MAN1A1: variants seen among roughly 807,000 people sequenced by gnomAD.
The protein encoded by MAN1A1 is mannosidase alpha class 1A member 1, also known as mannosyl-oligosaccharide 1,2-alpha-mannosidase IA.
MAN1A1 carries 29 observed loss-of-function variants against 70.8 expected under a neutral mutation model. The ratio of observed to expected loss-of-function variants is 0.41; its 90% CI spans 0.31 to 0.56. The LOEUF is 0.56. Ranked by LOEUF, MAN1A1 falls within the 20% of genes least tolerant of loss-of-function variation. The pLI, the probability that MAN1A1 is intolerant of heterozygous loss-of-function variation, is 0.29. For missense variants in MAN1A1, 747 were observed against 841.3 expected (o/e 0.89, Z 1.39); for synonymous variants, 349 against 330.1 (o/e 1.06, Z -0.62).
chr6:119,185,576 G>GT (rs146317643), intron 11 of MAN1A1, among the ~76,000 whole-genome samples: 29,145 of 151,810 alleles, frequency 0.19, 2,963 homozygotes, highest in East Asian at 0.3. Flanking sequence ...ATATAAGCCA[G>GT]TTTTTCTTTA....
chr6:119,190,510 C>T (rs933067196), intron 9 of MAN1A1, among the ~76,000 whole-genome samples: 47 of 152,292 alleles, frequency 3.1e-4, no homozygotes, highest in Admixed American at 2.6e-3. Flanking sequence ...TCTCCTGATA[C>T]GACTCTGCCA....
intron 4 of MAN1A1, among the ~76,000 whole-genome samples, chr6:119,297,092 C>G (rs969194684): frequency 6.6e-6 from 1 of 152,092 alleles, no homozygotes; most frequent in African/African-American, 2.4e-5. Flanking sequence ...GTTTTAAGTG[C>G]CAGTAAAAGA....
At chr6:119,224,894 C>T (rs769502583) in intron 6 of MAN1A1, among the ~76,000 whole-genome samples, 2 of 151,792 alleles carry the variant, frequency 1.3e-5, no homozygotes, top group African/African-American at 2.4e-5. Context: ...TCTGGGAGGC[C>T]GAGGTGGACA....
chr6:119,345,934 C>G (rs988368065), intron 2 of MAN1A1, among the ~76,000 whole-genome samples: 1 of 152,066 alleles, frequency 6.6e-6, no homozygotes, highest in Non-Finnish European at 1.5e-5. Context: ...GGTGAAACCC[C>G]GTCTCTACTA....
At position 119,179,166 on chromosome 6, in the gene MAN1A1, C is replaced by T. The variant is rs1773081617; in HGVS notation, c.*653G>A. ...GGACACATTTACAAAATAGAAAACA[C>T]TAATATAATTAACCAACAAAAATAT... On this transcript the variant is annotated 3_prime_UTR_variant, in exon 13 of 13. Coordinates refer to ENST00000368468, the MANE Select transcript of MAN1A1 (RefSeq NM_005907.4). 6.6e-6 allele frequency: 1 copy of T among 152,302 alleles called. No homozygotes were observed. Among genetic ancestry groups the T allele is most frequent in the Non-Finnish European group, 1.5e-5 (1 of 67,990 alleles). 9.4% of individuals were successfully genotyped at this position (152,302 alleles called of 1,614,324 possible).
chr6:119,196,893 A>C (rs1773583571), intron 8 of MAN1A1, among the ~76,000 whole-genome samples: 1 of 152,226 alleles, frequency 6.6e-6, no homozygotes, highest in African/African-American at 2.4e-5. Context: ...AAACCCTGCC[A>C]TCTGGCCTCA....
intron 6 of MAN1A1, among the ~76,000 whole-genome samples, chr6:119,205,410 T>C (rs778658042): frequency 6.6e-6 from 1 of 152,252 alleles, no homozygotes; most frequent in Non-Finnish European, 1.5e-5. Flanking sequence ...TTCTTACGTG[T>C]ATCTTCACAC....
intron 5 of MAN1A1, among the ~76,000 whole-genome samples, chr6:119,254,621 A>G (rs1278830015): frequency 6.6e-6 from 1 of 152,194 alleles, no homozygotes; most frequent in Non-Finnish European, 1.5e-5. Context: ...AGTTCATAAA[A>G]TGTAATCCTT....
intron 6 of MAN1A1, among the ~76,000 whole-genome samples, chr6:119,236,728 G>C (rs1429128588): frequency 6.8e-6 from 1 of 147,104 alleles, no homozygotes; most frequent in Non-Finnish European, 1.5e-5. Flanking sequence ...AAAAAAAAAA[G>C]GAATTTTGAC....
At chr6:119,335,326 G>A (rs996502867) in intron 2 of MAN1A1, among the ~76,000 whole-genome samples, 20 of 152,166 alleles carry the variant, frequency 1.3e-4, no homozygotes, top group Non-Finnish European at 1.8e-4. Flanking sequence ...TGCGCTGAGA[G>A]ATTCACATAC....
intron 10 of MAN1A1, 52 bp downstream of exon 10, chr6:119,189,612 T>G (rs2072889): frequency 0.81 from 1,260,821 of 1,562,190 alleles, 516,204 homozygotes; most frequent in Non-Finnish European, 0.83. Context: ...AAAACTGCAT[T>G]AAATCAAAGC....
At chr6:119,300,932 A>C (rs2114439024) in intron 4 of MAN1A1, among the ~76,000 whole-genome samples, 1 of 152,338 alleles carries the variant, frequency 6.6e-6, no homozygotes, top group East Asian at 1.9e-4. Flanking sequence ...TAAGTTTTTA[A>C]TTGAAATAGA....
At chr6:119,252,628 C>T (rs1187483264) in intron 5 of MAN1A1, among the ~76,000 whole-genome samples, 6 of 151,982 alleles carry the variant, frequency 3.9e-5, no homozygotes, top group African/African-American at 1.5e-4. Context: ...CCCGTCTCTA[C>T]TAAAAATACA....
intron 5 of MAN1A1, among the ~76,000 whole-genome samples, chr6:119,287,183 T>C (rs551701896): frequency 3.9e-5 from 6 of 152,242 alleles, no homozygotes; most frequent in African/African-American, 1.4e-4. Flanking sequence ...AAATAGTCCA[T>C]GTTACTAATT....
chr6:119,269,671 A>G (rs1407822650), intron 5 of MAN1A1: 1 of 154,106 alleles, frequency 6.5e-6, no homozygotes, highest in Non-Finnish European at 1.5e-5. Context: ...CAGGCAGACC[A>G]GAAGGTGGCC....
At position 119,309,144 on chromosome 6, in the gene MAN1A1, T is replaced by A. The variant is rs114225509; in HGVS notation, c.604-2152A>T. 2.9e-3 allele frequency among the ~76,000 whole-genome samples: 441 copies of A among 151,648 alleles called. 2 individuals are homozygous for A. Among genetic ancestry groups the A allele is most frequent in the African/African-American group, 0.01 (425 of 41,348 alleles). On this transcript the variant is annotated intron_variant, in intron 2 of 12. Transcript: ENST00000368468. ...GCCCTGAACAAAGCACTGGGAGGGG[T>A]TTATCCAGCAATTATAAAGAGGAAC...
At chr6:119,239,952 C>A (rs887991610) in intron 6 of MAN1A1, among the ~76,000 whole-genome samples, 1 of 152,222 alleles carries the variant, frequency 6.6e-6, no homozygotes. Context: ...CTGTAAAACA[C>A]TAGTTCTGTG....
At chr6:119,305,535 C>T (rs1277860136) in intron 3 of MAN1A1, among the ~76,000 whole-genome samples, 1 of 152,128 alleles carries the variant, frequency 6.6e-6, no homozygotes, top group African/African-American at 2.4e-5. Context: ...ACTTCTACTG[C>T]CTCTACTTCA....
Position 119,348,866 on chromosome 6 carries a change from T to C in MAN1A1, c.200A>G (p.Lys67Arg), listed in dbSNP as rs757265557. ...GAIFFLPDSS[K>R]LLSGVLFHSS... The stretch of plus-strand genomic sequence containing the variant: ...GTGGAACAGGACCCCGCTGAGCAGC[T>C]TGGAGGAGTCTGGCAGGAAGAAGAT... Residue 67 changes from lysine to arginine, a missense_variant, in exon 2 of 13, where the codon AAG becomes AGG. Around this residue, in one of 2 missense-constraint regions of MAN1A1, gnomAD observed 328 missense variants for 293.1 expected, o/e 1.12. Transcript: ENST00000368468. 6.4e-5 allele frequency: 98 copies of C among 1,530,466 alleles called. No homozygotes were observed. The highest frequency in any genetic ancestry group is 8.2e-5 in the Non-Finnish European group (94 of 1,140,824). The allele number at this position is 1,530,466 out of a possible 1,614,324, so 94.8% of individuals were successfully genotyped here. A position where few individuals can be genotyped will look rare whatever the true frequency, so the allele number is the denominator to read the frequency against.
Sources: gnomAD v4.1 joint callset for allele counts (sites outside exome capture counted in the v4.1 genomes callset) on GRCh38, gnomAD v4.1.1 for gene constraint, gnomAD v4.1.1 regional missense constraint, MANE v1.5 for transcripts, NCBI Gene and HGNC (gene_info 2026-07-23, HGNC 2026-07-21) for gene names.